Variants in GAS5 observed in about 807,000 individuals in gnomAD.
GAS5 encodes the protein growth arrest specific 5.
At chr1:173,865,201 A>AG (rs1327706983) in intron 6 of GAS5, 1 of 336,368 alleles carries the variant, frequency 3.0e-6, no homozygotes, top group Non-Finnish European at 5.8e-6. Flanking sequence ...GTCTAAAAAA[A>AG]AAAAAAAAAT....
At chr1:173,867,173 A>G, upstream of GAS5, 1 of 581,282 alleles carries the variant, frequency 1.7e-6, no homozygotes, top group Non-Finnish European at 3.0e-6. Flanking sequence ...ATCTAGCGAC[A>G]GGTAAAGGAT....
chr1:173,865,722 A>G (rs766702633), intron 5 of GAS5: 1 of 519,236 alleles, frequency 1.9e-6, no homozygotes, highest in Non-Finnish European at 3.8e-6. Context: ...GAAAACACAT[A>G]AACACTGTTC....
chr1:173,867,570 T>G, upstream of GAS5: 1 of 501,030 alleles, frequency 2.0e-6, no homozygotes, highest in Non-Finnish European at 4.0e-6. Context: ...TGCAGGCACT[T>G]AAGCACGTGG....
In GAS5 at chr1:173,864,365, G is replaced by A. The variant is rs535757076; in HGVS notation, n.277-61C>T. ...TACAAATGTGTGATGCTTGTTAGTA[G>A]AGTAACCTCAGAATCAAAATGGAAC... On this transcript the variant is annotated intron_variant and non_coding_transcript_variant, in intron 6 of 7. Coordinates refer to ENST00000651080, the Ensembl canonical transcript of GAS5. The A allele has an allele frequency of 3.0e-4, 156 of 518,920 alleles. 2 individuals are homozygous for A. The highest frequency in any genetic ancestry group is 2.2e-3 in the South Asian group (154 of 71,498). 32.1% of individuals were successfully genotyped at this position (518,920 alleles called of 1,614,324 possible).
chr1:173,868,996 A>G (rs1284488528), upstream of GAS5: 1 of 152,686 alleles, frequency 6.5e-6, no homozygotes, highest in African/African-American at 2.4e-5. Context: ...GAATTGCCGG[A>G]AAGAGCAAAC....
chr1:173,864,941 G>C (rs768171286), intron 6 of GAS5: 1 of 514,778 alleles, frequency 1.9e-6, no homozygotes, highest in Non-Finnish European at 3.9e-6. Context: ...ACTTGAGGCG[G>C]GGCATGGTGG....
At chr1:173,868,006 G>A (rs771523706), upstream of GAS5, 2 of 309,770 alleles carry the variant, frequency 6.5e-6, no homozygotes, top group Non-Finnish European at 1.3e-5. Context: ...TGGTGCCTGG[G>A]CTCCTGTATA....
intron 6 of GAS5, chr1:173,864,831 T>TA (rs1339444439): frequency 1.9e-6 from 1 of 519,032 alleles, no homozygotes; most frequent in Non-Finnish European, 3.8e-6. Flanking sequence ...TACCGCCAGA[T>TA]ACATCAGATA....
chr1:173,865,755 A>C, intron 5 of GAS5: 1 of 519,040 alleles, frequency 1.9e-6, no homozygotes, highest in Admixed American at 1.9e-5. Flanking sequence ...AGGAAAATAC[A>C]GTCAGTATTC....
intron 7 of GAS5, chr1:173,863,903 G>A: frequency 3.8e-6 from 1 of 261,292 alleles, no homozygotes; most frequent in African/African-American, 2.2e-5. Context: ...ACTCCAGATG[G>A]ATTGCAAAAA....
chr1:173,865,006 G>A, intron 6 of GAS5: 2 of 462,420 alleles, frequency 4.3e-6, no homozygotes, highest in Non-Finnish European at 8.6e-6. Context: ...TATCACTTGA[G>A]GTCAAGAGTT....
intron 1 of GAS5, chr1:173,866,951 T>G: frequency 3.9e-6 from 3 of 765,512 alleles, no homozygotes; most frequent in Non-Finnish European, 7.2e-6. Flanking sequence ...GACCACCTCT[T>G]AGATTTCATT....
At chr1:173,866,914 C>T in intron 1 of GAS5, 1 of 765,388 alleles carries the variant, frequency 1.3e-6, no homozygotes, top group East Asian at 2.4e-5. Context: ...CCCTTCTGTC[C>T]ACTACTCTTA....
At chr1:173,866,233 CA>C (rs1654591828) in intron 3 of GAS5, 1 of 484,534 alleles carries the variant, frequency 2.1e-6, no homozygotes, top group Non-Finnish European at 4.1e-6. Context: ...AAATTGTCAG[CA>C]AAAAATATTT....
chr1:173,864,730 A>T (rs1654286515), intron 6 of GAS5: 2 of 493,876 alleles, frequency 4.0e-6, no homozygotes, highest in Non-Finnish European at 8.1e-6. Flanking sequence ...AATACACAGT[A>T]AGACAACTTG....
intron 4 of GAS5, chr1:173,866,089 CA>C: frequency 1.9e-6 from 1 of 518,304 alleles, no homozygotes; most frequent in Non-Finnish European, 3.9e-6. Context: ...TTATTTAATG[CA>C]TTCAGCACTA....
Position 173,864,223 on chromosome 1 carries a change from C to A in GAS5, n.324+34G>T, listed in dbSNP as rs570595139. On this transcript the variant is annotated intron_variant and non_coding_transcript_variant, in intron 7 of 7. Coordinates refer to ENST00000651080, the Ensembl canonical transcript of GAS5. ...TGGATTGAGATCATCATGTATTCTG[C>A]AATTATAATAGTCCCAACATTTCCA... 3.9e-4 allele frequency: 204 copies of A among 517,390 alleles called. 1 individual carries two copies. Among genetic ancestry groups the A allele is most frequent in the African/African-American group, 1.3e-3 (70 of 52,064 alleles). The allele number at this position is 517,390 out of a possible 1,614,324, so 32.0% of individuals were successfully genotyped here.
chr1:173,866,038 C>T (rs1460969206), intron 4 of GAS5: 2 of 519,052 alleles, frequency 3.9e-6, no homozygotes, highest in Admixed American at 1.9e-5. Flanking sequence ...GCTGCATTTA[C>T]AAACTTTCTT....
rs373014293 is a variant in GAS5 at position 173,864,345 on chromosome 1, A to C, written n.277-41T>G. 473 of 518,614 alleles carry C rather than the reference A, an allele frequency of 9.1e-4. 3 individuals carry two copies. The highest frequency in any genetic ancestry group is 7.9e-3 in the African/African-American group (411 of 52,078). 32.1% of individuals were successfully genotyped at this position (518,614 alleles called of 1,614,324 possible). On this transcript the variant is annotated intron_variant and non_coding_transcript_variant, in intron 6 of 7. Transcript: ENST00000651080. ...ACATATTAATCAGGGCAAAATACAA[A>C]TGTGTGATGCTTGTTAGTAGAGTAA... is the stretch of plus-strand genomic sequence containing the variant.
Sources: allele counts gnomAD v4.1 joint callset, GRCh38; gene constraint gnomAD v4.1.1; transcripts MANE v1.5; gene names NCBI Gene and HGNC (gene_info 2026-07-23, HGNC 2026-07-21).